SI: variants seen among roughly 807,000 people sequenced by gnomAD.
SI encodes sucrase-isomaltase, also known as sucrase-isomaltase, intestinal.
In SI, 235 loss-of-function variants were observed where a neutral mutation model predicts 253.3. The observed-to-expected ratio is 0.93, with a 90% CI of 0.83 to 1.03. SI has a LOEUF of 1.03. Ranked by LOEUF, SI falls within the 50% of genes least tolerant of loss-of-function variation. The pLI, the probability that SI is intolerant of heterozygous loss-of-function variation, is 0.00. For synonymous variants in SI, 819 were observed against 712.0 expected (o/e 1.15, Z -2.39); for missense variants, 2,442 against 2,211.1 (o/e 1.10, Z -2.09).
intron 23 of SI, 129 bp from the exon 24 acceptor site, chr3:165,032,821 A>C: frequency 3.4e-6 from 2 of 593,910 alleles, no homozygotes; most frequent in Non-Finnish European, 5.9e-6. Context: ...TCCTCATCCA[A>C]GTAGCACATA....
rs1328995742 is a variant in SI at position 165,069,147 on chromosome 3, G to C, written c.304C>G (p.Leu102Val). The C allele has an allele frequency of 1.2e-6, 2 of 1,613,486 alleles. No homozygotes were observed. The highest frequency in any genetic ancestry group is 1.7e-6 in the Non-Finnish European group (2 of 1,179,606). ...TCAACGAAGAAGCACCAAGGAATAA[G>C]AGAGTCATTCCACGGCCTCCAGCAG... The part of the protein sequence containing the change: ...GCCWRPWNDS[L>V]IPWCFFVDNH... Residue 102 changes from leucine to valine, a missense_variant, in exon 4 of 48, where the codon CTT (leucine) becomes GTT (valine). Coordinates refer to ENST00000264382, the MANE Select transcript of SI (RefSeq NM_001041.4).
chr3:164,993,769 T>C (rs973957131), intron 41 of SI, among the ~76,000 whole-genome samples: 2 of 151,668 alleles, frequency 1.3e-5, no homozygotes, highest in African/African-American at 4.8e-5. Flanking sequence ...CTTTAAGAGG[T>C]GAATCCAAAA....
At position 165,047,369 on chromosome 3, in the gene SI, GC is replaced by G. The variant is rs200484695; in HGVS notation, c.1716-358del. Reference sequence around the variant, plus strand: ...CCTTGTCTTCTGCCATGATTGTGAGGCCCCCCCAGCCATGTGGAACTGTAAA... The same window carrying G: ...CCTTGTCTTCTGCCATGATTGTGAGGCCCCCCAGCCATGTGGAACTGTAAA... On this transcript the variant is annotated intron_variant, in intron 15 of 47. Coordinates refer to ENST00000264382, the MANE Select transcript of SI (RefSeq NM_001041.4). Among the ~76,000 whole-genome samples, 12 of 151,870 alleles carry G rather than the reference GC, an allele frequency of 7.9e-5. No homozygotes were observed. In the South Asian group the frequency reaches 2.5e-3, roughly 32 times the overall value.
At chr3:164,987,279 T>A in intron 44 of SI, 53 bp from the exon 45 acceptor site, 1 of 1,403,028 alleles carries the variant, frequency 7.1e-7, no homozygotes, top group Non-Finnish European at 1.0e-6. Context: ...AGCATATGTC[T>A]AGTTATGATA....
intron 33 of SI, among the ~76,000 whole-genome samples, chr3:165,013,263 C>T (rs1718855302): frequency 6.6e-6 from 1 of 152,112 alleles, no homozygotes; most frequent in Admixed American, 6.6e-5. Flanking sequence ...TACAAAATAG[C>T]ATTGCCAACC....
At chr3:165,049,733 G>T in intron 14 of SI, 58 bp downstream of exon 14, 1 of 968,154 alleles carries the variant, frequency 1.0e-6, no homozygotes, top group Non-Finnish European at 1.7e-6. Context: ...GAAATTACTA[G>T]TCAACTACAA....
chr3:165,042,663 C>T (rs939958065), intron 17 of SI, among the ~76,000 whole-genome samples: 7 of 152,070 alleles, frequency 4.6e-5, no homozygotes, highest in Admixed American at 4.6e-4. Context: ...GAACTAAACA[C>T]AAACTCAAAA....
At chr3:165,009,424 T>A in intron 34 of SI, 29 bp from the exon 35 acceptor site, 1 of 1,226,598 alleles carries the variant, frequency 8.2e-7, no homozygotes, top group South Asian at 1.2e-5. Context: ...GGCTCACATG[T>A]GGAAAGTCTT....
chr3:165,058,877 C>A, intron 12 of SI, 86 bp downstream of exon 12: 1 of 1,088,156 alleles, frequency 9.2e-7, no homozygotes, highest in African/African-American at 1.6e-5. Flanking sequence ...CACACACACA[C>A]ACACACACAC....
At chr3:165,018,457 T>C (rs1339126151) in intron 28 of SI, among the ~76,000 whole-genome samples, 2 of 150,944 alleles carry the variant, frequency 1.3e-5, no homozygotes, top group African/African-American at 4.8e-5. Context: ...ATTGGTATTT[T>C]TTCCATAGTA....
intron 5 of SI, among the ~76,000 whole-genome samples, chr3:165,068,138 C>A (rs1209329517): frequency 6.6e-6 from 1 of 151,350 alleles, no homozygotes; most frequent in Non-Finnish European, 1.5e-5. Context: ...ATGTATACGA[C>A]ACTAACACTT....
intron 31 of SI, among the ~76,000 whole-genome samples, chr3:165,016,315 C>T (rs944685729): frequency 1.3e-5 from 2 of 151,858 alleles, no homozygotes; most frequent in Non-Finnish European, 2.9e-5. Context: ...TTCATTTAGT[C>T]ATTTTGATTT....
chr3:165,019,735 T>C lies in SI; in HGVS notation c.3290A>G (p.Asp1097Gly). The C allele has an allele frequency of 6.2e-7, 1 of 1,612,618 alleles. No individual in the cohort carries two copies. Residue 1097 changes from aspartate (D) to glycine (G), a missense_variant, in exon 28 of 48, where the codon GAC becomes GGC. Physicochemically the swap from Asp to Gly is moderately conservative, Grantham distance 94 (BLOSUM62 -1). Transcript: ENST00000264382. ...GCGAGTCGATATTTGAATGAACTGG[T>C]CATTAAAAGCAAATCCAGGCAGCCA... The part of the protein sequence containing the change: ...DSWLPGFAFN[D>G]QFIQISTRLP...
chr3:165,031,931 T>C (rs1712267051), intron 24 of SI, among the ~76,000 whole-genome samples: 1 of 151,144 alleles, frequency 6.6e-6, no homozygotes, highest in South Asian at 2.1e-4. Context: ...AATCTGTGCA[T>C]CCAATAACAG....
intron 5 of SI, among the ~76,000 whole-genome samples, chr3:165,068,158 T>A (rs1389656574): frequency 7.7e-6 from 1 of 129,740 alleles, no homozygotes; most frequent in African/African-American, 2.7e-5. Context: ...TTTCTGAAAT[T>A]AAATTTTAGA....
chr3:164,994,305 T>C lies in SI; in HGVS notation c.4793A>G (p.His1598Arg). 1 of 1,611,308 alleles carries C rather than the reference T, an allele frequency of 6.2e-7. No individual in the cohort carries two copies. The highest frequency in any genetic ancestry group is 8.5e-7 in the Non-Finnish European group (1 of 1,178,064). Residue 1598 changes from histidine (H) to arginine (R), a missense_variant, in exon 41 of 48, where the codon CAT (histidine) becomes CGT (arginine). His to Arg is a conservative substitution (Grantham distance 29, BLOSUM62 0). Transcript: ENST00000264382. ...AGTGCCACCATTAGCATGAATTTCA[T>C]GCATTTGTGTGTAAAAATAGGGCAA... is the stretch of plus-strand genomic sequence containing the variant. ...TLLPYFYTQM[H>R]EIHANGGTVI...
At chr3:165,017,906 TA>T in intron 29 of SI, 33 bp from the exon 30 acceptor site, 1 of 1,577,852 alleles carries the variant, frequency 6.3e-7, no homozygotes, top group Non-Finnish European at 8.7e-7. Context: ...CATTTTCATC[TA>T]TGTATACTAG....
At chr3:165,042,852 A>G (rs1234449589) in intron 17 of SI, among the ~76,000 whole-genome samples, 1 of 152,082 alleles carries the variant, frequency 6.6e-6, no homozygotes, top group Admixed American at 6.6e-5. Flanking sequence ...AATACATTGC[A>G]TTTCATGATT....
intron 34 of SI, among the ~76,000 whole-genome samples, chr3:165,012,522 G>A (rs531280577): frequency 1.1e-4 from 17 of 152,216 alleles, no homozygotes; most frequent in African/African-American, 3.9e-4. Context: ...TCCACCTCCT[G>A]GGTTAACACC....
Sources: gnomAD v4.1 joint callset for allele counts (sites outside exome capture counted in the v4.1 genomes callset) on GRCh38, gnomAD v4.1.1 for gene constraint, MANE v1.5 for transcripts, NCBI Gene and HGNC (gene_info 2026-07-23, HGNC 2026-07-21) for gene names.